Variants in PDE8B observed in about 807,000 individuals in gnomAD.
The protein encoded by PDE8B is phosphodiesterase 8B, also known as high affinity cAMP-specific and IBMX-insensitive 3',5'-cyclic phosphodiesterase 8B.
A neutral mutation model predicts 101.3 loss-of-function variants in PDE8B; 26 were observed. The observed-to-expected ratio is 0.26, with a 90% CI of 0.19 to 0.36. The LOEUF (loss-of-function observed/expected upper bound fraction) is 0.36. Among genes scored for constraint, PDE8B ranks in the 10% least tolerant of loss-of-function variants. The probability of loss-of-function intolerance (pLI) is 1.00; values close to 1 mark genes in which losing one functional copy is unlikely to be tolerated. For synonymous variants in PDE8B, 424 were observed against 429.3 expected (o/e 0.99, Z 0.15); for missense variants, 810 against 1,163.1 (o/e 0.70, Z 4.42).
chr5:77,243,433 T>C (rs762061871), intron 1 of PDE8B, among the ~76,000 whole-genome samples: 1 of 152,224 alleles, frequency 6.6e-6, no homozygotes, highest in African/African-American at 2.4e-5. Context: ...TATATAGTTA[T>C]GGCAACATCA....
intron 1 of PDE8B, among the ~76,000 whole-genome samples, chr5:77,302,586 T>C (rs1026576175): frequency 6.6e-5 from 10 of 152,232 alleles, no homozygotes; most frequent in African/African-American, 2.4e-4. Flanking sequence ...TCATTGTTTC[T>C]CAGCCAGATC....
intron 1 of PDE8B, among the ~76,000 whole-genome samples, chr5:77,279,753 G>T (rs528341653): frequency 1.5e-4 from 23 of 152,290 alleles, no homozygotes; most frequent in African/African-American, 4.8e-4. Flanking sequence ...TCCAAAGTCT[G>T]CACTTGAATT....
intron 5 of PDE8B, among the ~76,000 whole-genome samples, chr5:77,334,966 T>C (rs1777853658): frequency 6.6e-6 from 1 of 152,268 alleles, no homozygotes; most frequent in South Asian, 2.1e-4. Flanking sequence ...ACATTGCATA[T>C]TAGCATTTTA....
chr5:77,109,267 G>A, the PDE8B span, among the ~76,000 whole-genome samples: 1 of 152,148 alleles, frequency 6.6e-6, no homozygotes, highest in East Asian at 1.9e-4. Context: ...GAAATTCAAT[G>A]AGTCTGTTAT....
chr5:77,178,273 T>A, the PDE8B span, among the ~76,000 whole-genome samples: 1 of 152,252 alleles, frequency 6.6e-6, no homozygotes, highest in East Asian at 1.9e-4. Context: ...ACTTATTTAT[T>A]TTTCTTTCAG....
intron 2 of PDE8B, among the ~76,000 whole-genome samples, chr5:77,322,122 T>G (rs1173417766): frequency 6.6e-6 from 1 of 152,088 alleles, no homozygotes; most frequent in Non-Finnish European, 1.5e-5. Context: ...GTCTGGGACA[T>G]ATTGGTGGTT....
intron 10 of PDE8B, among the ~76,000 whole-genome samples, chr5:77,370,890 C>G (rs1485040491): frequency 1.3e-5 from 2 of 152,194 alleles, no homozygotes; most frequent in Non-Finnish European, 2.9e-5. Context: ...TCTCTGATGA[C>G]TAATAATGTT....
At chr5:77,282,460 T>C (rs746936971) in intron 1 of PDE8B, among the ~76,000 whole-genome samples, 10 of 152,136 alleles carry the variant, frequency 6.6e-5, no homozygotes, top group Non-Finnish European at 8.8e-5. Context: ...TGGCTGAGTT[T>C]GGATTTGTTT....
the PDE8B span, among the ~76,000 whole-genome samples, chr5:77,197,864 A>G: frequency 6.9e-6 from 1 of 144,682 alleles, no homozygotes; most frequent in South Asian, 2.2e-4. Flanking sequence ...AATATTTTCC[A>G]TTTCTCTTCT....
chr5:77,378,588 A>C (rs980691189), intron 10 of PDE8B, among the ~76,000 whole-genome samples: 6 of 152,194 alleles, frequency 3.9e-5, no homozygotes, highest in African/African-American at 1.4e-4. Flanking sequence ...TTAAATGGCA[A>C]AATGTAGATT....
intron 1 of PDE8B, among the ~76,000 whole-genome samples, chr5:77,298,733 G>A (rs1561489273): frequency 6.6e-6 from 1 of 152,270 alleles, no homozygotes; most frequent in Non-Finnish European, 1.5e-5. Flanking sequence ...GTGTGATGAT[G>A]GGGCTTTAGA....
chr5:77,257,181 C>T (rs1759361802), intron 1 of PDE8B, among the ~76,000 whole-genome samples: 1 of 151,834 alleles, frequency 6.6e-6, no homozygotes, highest in South Asian at 2.1e-4. Context: ...AAGAGAAGTA[C>T]AAAACAAAAA....
chr5:77,400,729 C>T (rs1316484546), intron 11 of PDE8B, among the ~76,000 whole-genome samples: 1 of 152,174 alleles, frequency 6.6e-6, no homozygotes, highest in East Asian at 1.9e-4. Context: ...GCAGAAGCAC[C>T]AAGTTCCTAT....
At chr5:77,268,297 A>G (rs1762135048) in intron 1 of PDE8B, among the ~76,000 whole-genome samples, 1 of 152,136 alleles carries the variant, frequency 6.6e-6, no homozygotes, top group Non-Finnish European at 1.5e-5. Context: ...CAGGCGTACA[A>G]TGCATAATAA....
At chr5:77,097,731 A>ATCTATATATATATATCTATATATC in the PDE8B span, among the ~76,000 whole-genome samples, 1 of 65,882 alleles carries the variant, frequency 1.5e-5, no homozygotes, top group African/African-American at 3.7e-5. Context: ...ATATATATAT[A>ATCTATATATATATATCTATATATC]TACATACATA....
chr5:77,187,049 T>C, the PDE8B span, among the ~76,000 whole-genome samples: 1 of 152,250 alleles, frequency 6.6e-6, no homozygotes, highest in Admixed American at 6.5e-5. Flanking sequence ...TGGATTTGTC[T>C]ATGAATATGT....
rs371015739 is a variant in PDE8B at position 77,408,879 on chromosome 5, C to G, written c.1366-14C>G. Reference sequence around the variant, plus strand: ...CCTATTATCCTCAGATGTATTCTTTCTTCACTCCGTTAGGTTATAAATATA... The same window carrying G: ...CCTATTATCCTCAGATGTATTCTTTGTTCACTCCGTTAGGTTATAAATATA... On this transcript the variant is annotated splice_polypyrimidine_tract_variant and intron_variant, in intron 13 of 21. Transcript: ENST00000264917. The G allele has an allele frequency of 2.6e-5, 42 of 1,607,164 alleles. No individual in the cohort carries two copies. Among genetic ancestry groups the G allele is most frequent in the Non-Finnish European group, 3.3e-5 (39 of 1,173,642 alleles).
chr5:77,176,979 C>G, the PDE8B span, among the ~76,000 whole-genome samples: 146 of 152,190 alleles, frequency 9.6e-4, no homozygotes, highest in African/African-American at 3.4e-3. Flanking sequence ...TCTTTTCCTT[C>G]TTTCCTTCCT....
At chr5:77,169,724 T>A in the PDE8B span, among the ~76,000 whole-genome samples, 1 of 152,080 alleles carries the variant, frequency 6.6e-6, no homozygotes, top group African/African-American at 2.4e-5. Context: ...TGAAACTCAC[T>A]CCAACGAAGC....
Sources: allele counts gnomAD v4.1 joint callset (sites outside exome capture counted in the v4.1 genomes callset), GRCh38; gene constraint gnomAD v4.1.1; transcripts MANE v1.5; gene names NCBI Gene and HGNC (gene_info 2026-07-23, HGNC 2026-07-21).